TBCEL: variants seen among roughly 807,000 people sequenced by gnomAD.
TBCEL encodes the protein tubulin-specific chaperone cofactor E-like protein.
In TBCEL, 15 loss-of-function variants were observed where a neutral mutation model predicts 44.2. The ratio of observed to expected loss-of-function variants is 0.34; its 90% CI spans 0.23 to 0.52. The LOEUF is 0.52. Among genes scored for constraint, TBCEL ranks in the 20% least tolerant of loss-of-function variants. TBCEL has a pLI of 0.95. For missense variants in TBCEL, 319 were observed against 506.3 expected (o/e 0.63, Z 3.55); for synonymous variants, 171 against 185.4 (o/e 0.92, Z 0.63).
At chr11:121,035,881 T>C (rs1326934024) in intron 1 of TBCEL, 1 of 152,242 alleles carries the variant, frequency 6.6e-6, no homozygotes, top group Admixed American at 6.5e-5. Context: ...CTTAGTTTTT[T>C]GGTTCAGTTA....
chr11:121,044,377 A>T (rs924634795), intron 2 of TBCEL, among the ~76,000 whole-genome samples: 1 of 152,050 alleles, frequency 6.6e-6, no homozygotes, highest in Admixed American at 6.6e-5. Context: ...GGTATACAAG[A>T]TCTCCTCTGA....
rs957367457 is a variant in TBCEL at position 121,045,966 on chromosome 11, C to A, written c.133+143C>A. On this transcript the variant is annotated intron_variant, in intron 3 of 8. Coordinates refer to ENST00000683345, the MANE Select transcript of TBCEL (RefSeq NM_001363644.2). ...TCCCCCTTGTTATGATTTCAGTTTTCTAAAGAACGTAACAGGACTGGTTTT... is the reference window on the plus strand; with the variant it reads ...TCCCCCTTGTTATGATTTCAGTTTTATAAAGAACGTAACAGGACTGGTTTT... 4 of 1,009,552 alleles carry A rather than the reference C, an allele frequency of 4.0e-6. No homozygotes were observed. The African/African-American group carries it at 4.9e-5, about 12-fold the overall frequency. 62.5% of individuals were successfully genotyped at this position (1,009,552 alleles called of 1,614,324 possible).
chr11:121,045,878 A>G (rs1945421730), intron 3 of TBCEL, 55 bp downstream of exon 3: 39 of 1,464,730 alleles, frequency 2.7e-5, no homozygotes, highest in Non-Finnish European at 3.4e-5. Flanking sequence ...TAGGATGTTA[A>G]ATCACAGTGT....
chr11:121,033,819 C>CATGTGT (rs1945184375), intron 1 of TBCEL, among the ~76,000 whole-genome samples: 28 of 151,722 alleles, frequency 1.8e-4, no homozygotes, highest in African/African-American at 6.6e-4. Context: ...ACTCCCCGTG[C>CATGTGT]CCTCTGGCTC....
intron 1 of TBCEL, chr11:121,035,912 G>T (rs1432240438): frequency 6.6e-6 from 1 of 152,104 alleles, no homozygotes; most frequent in Non-Finnish European, 1.5e-5. Context: ...GTTACAAGAG[G>T]AATTTTGGCT....
chr11:121,052,298 A>G (rs1490972357), intron 4 of TBCEL, among the ~76,000 whole-genome samples: 1 of 151,646 alleles, frequency 6.6e-6, no homozygotes, highest in East Asian at 1.9e-4. Flanking sequence ...GTACGTAGGG[A>G]AACAAGTTTC....
At chr11:121,076,688 C>T (rs1946039788) in intron 8 of TBCEL, among the ~76,000 whole-genome samples, 3 of 151,922 alleles carry the variant, frequency 2.0e-5, no homozygotes, top group Admixed American at 6.6e-5. Flanking sequence ...CTTGGACCTC[C>T]AATATAGTAT....
In TBCEL at chr11:121,089,925, T is replaced by G. The variant is rs890258919; in HGVS notation, c.*2829T>G. ...TCAAAACCAAGGGATCCTTTCTACA[T>G]GTGGGTGAACGGCTGCTAAAGCCAC... is the stretch of plus-strand genomic sequence containing the variant. On this transcript the variant is annotated 3_prime_UTR_variant, in exon 9 of 9. Transcript: ENST00000683345. The G allele has an allele frequency of 3.9e-5, 6 of 152,196 alleles. No individual in the cohort carries two copies. The highest frequency in any genetic ancestry group is 7.2e-5 in the African/African-American group (3 of 41,466). 9.4% of individuals were successfully genotyped at this position (152,196 alleles called of 1,614,324 possible). A position where few individuals can be genotyped will look rare whatever the true frequency, so the allele number is the denominator to read the frequency against.
intron 8 of TBCEL, among the ~76,000 whole-genome samples, chr11:121,086,483 A>G (rs572770524): frequency 3.9e-5 from 6 of 152,168 alleles, no homozygotes; most frequent in South Asian, 2.1e-4. Context: ...TTGAACTTCT[A>G]TTGTCTTTAT....
intron 8 of TBCEL, among the ~76,000 whole-genome samples, chr11:121,073,633 A>G (rs1327170010): frequency 6.6e-6 from 1 of 151,906 alleles, no homozygotes; most frequent in Admixed American, 6.6e-5. Flanking sequence ...ATGCGCAGTA[A>G]AAGAGGTCAT....
intron 8 of TBCEL, among the ~76,000 whole-genome samples, chr11:121,063,572 G>T (rs1026767888): frequency 2.6e-5 from 4 of 151,952 alleles, no homozygotes; most frequent in African/African-American, 9.7e-5. Context: ...ACAGAATAAT[G>T]GGAAAAATAG....
chr11:121,080,022 G>A (rs1044899025), intron 8 of TBCEL, among the ~76,000 whole-genome samples: 2 of 152,028 alleles, frequency 1.3e-5, no homozygotes, highest in African/African-American at 4.8e-5. Context: ...TCACCATGTT[G>A]GCCAGACTGG....
At chr11:121,084,836 G>A (rs1487568214) in intron 8 of TBCEL, among the ~76,000 whole-genome samples, 1 of 151,790 alleles carries the variant, frequency 6.6e-6, no homozygotes, top group African/African-American at 2.4e-5. Flanking sequence ...TATGGGGTGG[G>A]GAAAAGATAC....
chr11:121,035,111 T>C (rs771731476), intron 1 of TBCEL: 2 of 152,228 alleles, frequency 1.3e-5, no homozygotes, highest in Non-Finnish European at 2.9e-5. Context: ...CCATGTTCAC[T>C]AAGTGATGAT....
chr11:121,070,759 A>G (rs1413293011), intron 8 of TBCEL, among the ~76,000 whole-genome samples: 5 of 151,536 alleles, frequency 3.3e-5, no homozygotes, highest in Non-Finnish European at 4.4e-5. Context: ...TATAAATGAC[A>G]AGTTAATGGG....
chr11:121,063,753 C>T (rs1945767228), intron 8 of TBCEL, among the ~76,000 whole-genome samples: 1 of 152,108 alleles, frequency 6.6e-6, no homozygotes, highest in Non-Finnish European at 1.5e-5. Flanking sequence ...CCTAACTTTG[C>T]CTGCACATAA....
intron 2 of TBCEL, among the ~76,000 whole-genome samples, chr11:121,040,754 C>G (rs1191322230): frequency 6.6e-6 from 1 of 151,962 alleles, no homozygotes; most frequent in Non-Finnish European, 1.5e-5. Context: ...TAGGTCATTT[C>G]CAGATATGTT....
intron 2 of TBCEL, among the ~76,000 whole-genome samples, chr11:121,040,010 A>G (rs944698707): frequency 5.9e-5 from 9 of 152,204 alleles, no homozygotes; most frequent in African/African-American, 1.9e-4. Flanking sequence ...GAAAGCTATG[A>G]AAATTTCTTG....
chr11:121,068,609 C>T lies in TBCEL; in HGVS notation c.956+8524C>T, dbSNP rs74851500. Among the ~76,000 whole-genome samples the T allele has an allele frequency of 8.9e-3, 1,355 of 152,110 alleles. 21 individuals carry two copies. Among genetic ancestry groups the T allele is most frequent in the Middle Eastern group, 0.017 (5 of 294 alleles). On this transcript the variant is annotated intron_variant, in intron 8 of 8. Coordinates refer to ENST00000683345, the MANE Select transcript of TBCEL (RefSeq NM_001363644.2). ...TTTTAAAAAAACAACAGAGGCTGGG[C>T]GCAGTGGCTCATGCCTGTAATCCCA...
Sources: allele counts gnomAD v4.1 joint callset (sites outside exome capture counted in the v4.1 genomes callset), GRCh38; gene constraint gnomAD v4.1.1; transcripts MANE v1.5; gene names NCBI Gene and HGNC (gene_info 2026-07-23, HGNC 2026-07-21).